Variants in COPZ1 observed in about 807,000 individuals in gnomAD.
COPZ1 encodes coat protein complex I subunit zeta 1.
In COPZ1, 4 loss-of-function variants were observed where a neutral mutation model predicts 31.7. The ratio of observed to expected loss-of-function variants is 0.13; its 90% CI spans 0.06 to 0.29. The LOEUF is 0.29. Among genes scored for constraint, COPZ1 ranks in the 10% least tolerant of loss-of-function variants. The pLI, the probability that COPZ1 is intolerant of heterozygous loss-of-function variation, is 1.00. For synonymous variants in COPZ1, 74 were observed against 79.0 expected, an observed-to-expected ratio of 0.94 and a Z score of 0.33; for missense variants, 156 against 211.5, an observed-to-expected ratio of 0.74 and a Z score of 1.63.
At chr12:54,325,645 G>GT (rs1283368425) in intron 1 of COPZ1, 1 of 161,480 alleles carries the variant, frequency 6.2e-6, no homozygotes, top group East Asian at 1.9e-4. Flanking sequence ...TCAGGAAACT[G>GT]TTTTGTCTTC....
chr12:54,335,813 A>T (rs1035041822), intron 1 of COPZ1, among the ~76,000 whole-genome samples: 3 of 152,066 alleles, frequency 2.0e-5, no homozygotes, highest in African/African-American at 7.2e-5. Context: ...CTGAGACTAC[A>T]GGTGCATGCC....
chr12:54,343,253 A>G lies in COPZ1; in HGVS notation c.198A>G (p.Thr66=). The change falls in exon 4 of 9, where the codon ACA becomes ACG. Residue 66 remains threonine (T), a synonymous_variant. Coordinates refer to ENST00000262061, the MANE Select transcript of COPZ1 (RefSeq NM_016057.3). ...DSEIALLEGL[T]VVYKSSIDLY... ...AAATTGCCCTCTTGGAAGGCCTGACAGTGGTATACAAAAGCAGTATAGATC... is the reference window on the plus strand; with the variant it reads ...AAATTGCCCTCTTGGAAGGCCTGACGGTGGTATACAAAAGCAGTATAGATC... The G allele has an allele frequency of 6.2e-7, 1 of 1,614,102 alleles. No individual in the cohort carries two copies. Among genetic ancestry groups the G allele is most frequent in the Non-Finnish European group, 8.5e-7 (1 of 1,179,966 alleles).
intron 1 of COPZ1, among the ~76,000 whole-genome samples, chr12:54,337,062 A>T (rs929442802): frequency 1.3e-5 from 2 of 151,580 alleles, no homozygotes; most frequent in Non-Finnish European, 2.9e-5. Flanking sequence ...CTGAGATCAA[A>T]GATTCATTTG....
At chr12:54,342,473 T>C in intron 3 of COPZ1, 186 bp downstream of exon 3, 1 of 583,236 alleles carries the variant, frequency 1.7e-6, no homozygotes, top group Non-Finnish European at 3.1e-6. Context: ...GGGAATACCA[T>C]GCTGGAAGGT....
intron 8 of COPZ1, 151 bp from the exon 9 acceptor site, chr12:54,350,325 G>A (rs184784073): frequency 8.4e-5 from 66 of 785,842 alleles, no homozygotes; most frequent in Admixed American, 1.9e-4. Flanking sequence ...GGGCCTTAGA[G>A]AGCTTCTTCC....
intron 1 of COPZ1, among the ~76,000 whole-genome samples, chr12:54,335,381 A>C (rs1478485364): frequency 6.6e-6 from 1 of 151,172 alleles, no homozygotes; most frequent in Non-Finnish European, 1.5e-5. Flanking sequence ...GTAATGCCAC[A>C]TCAGGCCCTT....
At chr12:54,328,555 G>A (rs941112289) in intron 1 of COPZ1, among the ~76,000 whole-genome samples, 25 of 152,120 alleles carry the variant, frequency 1.6e-4, no homozygotes, top group African/African-American at 6.0e-4. Context: ...ACAGAGCAAG[G>A]CTCTGTCTCA....
chr12:54,341,989 G>A (rs1024278360), intron 2 of COPZ1, among the ~76,000 whole-genome samples: 18 of 152,274 alleles, frequency 1.2e-4, no homozygotes, highest in African/African-American at 4.1e-4. Flanking sequence ...GGAAATGTGA[G>A]GTGGGGTTGC....
chr12:54,338,237 T>C (rs1393057474), intron 1 of COPZ1, among the ~76,000 whole-genome samples: 1 of 152,230 alleles, frequency 6.6e-6, no homozygotes, highest in Non-Finnish European at 1.5e-5. Context: ...TTCGTCTAAA[T>C]TTTGTTCCTT....
chr12:54,328,663 C>T (rs1228236024), intron 1 of COPZ1, among the ~76,000 whole-genome samples: 2 of 152,192 alleles, frequency 1.3e-5, no homozygotes, highest in Admixed American at 1.3e-4. Flanking sequence ...CCTGCTTCTT[C>T]CTTATTCTTT....
Position 54,329,918 on chromosome 12 carries a change from T to C in COPZ1, c.18+4737T>C, listed in dbSNP as rs573894893. Among the ~76,000 whole-genome samples, 3 of 152,290 alleles carry C rather than the reference T, an allele frequency of 2.0e-5. No individual in the cohort carries two copies. The South Asian group carries it at 6.2e-4, about 32-fold the overall frequency. ...TCATCTTAATGGGGCTTTTGTTAAA[T>C]TCCTTTGGCCCTAACAGTAGAGGTA... On this transcript the variant is annotated intron_variant, in intron 1 of 8. Coordinates refer to ENST00000262061, the MANE Select transcript of COPZ1 (RefSeq NM_016057.3).
chr12:54,337,019 C>CAAAA lies in COPZ1; in HGVS notation c.19-3506_19-3503dup, dbSNP rs1182592654. ...CCTGGGTGACAGAGAGAGACTGTCG[C>CAAAA]AAAAAAAAAAAAAAAAAAAAAAAAA... On this transcript the variant is annotated intron_variant, in intron 1 of 8. Coordinates refer to ENST00000262061, the MANE Select transcript of COPZ1 (RefSeq NM_016057.3). Among the ~76,000 whole-genome samples, 222 of 61,166 alleles carry CAAAA rather than the reference C, an allele frequency of 3.6e-3. 1 individual carries two copies. Among genetic ancestry groups the CAAAA allele is most frequent in the Admixed American group, 5.8e-3 (32 of 5,494 alleles). The allele number at this position is 61,166 out of a possible 152,430, so 40.1% of individuals were successfully genotyped here.
At chr12:54,328,401 C>T (rs970581252) in intron 1 of COPZ1, among the ~76,000 whole-genome samples, 3 of 151,808 alleles carry the variant, frequency 2.0e-5, no homozygotes, top group Admixed American at 6.6e-5. Flanking sequence ...GAAACCCGGT[C>T]TCTGCTAAAA....
rs757374282 is a variant in COPZ1, at chr12:54,350,536, TC to T, written c.*15del. ...ACTCCTTCGGTGAAGACCTCACTGT[TC>T]CTGGCTCTTCATCCTCTTCAAAAAA... is the stretch of plus-strand genomic sequence containing the variant. On this transcript the variant is annotated 3_prime_UTR_variant, in exon 9 of 9. Coordinates refer to ENST00000262061, the MANE Select transcript of COPZ1 (RefSeq NM_016057.3). 5.0e-6 allele frequency: 8 copies of T among 1,611,740 alleles called. No individual in the cohort carries two copies. Among genetic ancestry groups the T allele is most frequent in the Middle Eastern group, 1.6e-4 (1 of 6,080 alleles).
chr12:54,345,729 G>A (rs559856055), intron 5 of COPZ1, among the ~76,000 whole-genome samples: 3 of 152,074 alleles, frequency 2.0e-5, no homozygotes, highest in Admixed American at 1.3e-4. Flanking sequence ...AGGCCAAGGC[G>A]GGCGGATCAT....
rs568340847 is a variant in COPZ1, at chr12:54,327,377, A to T, written c.18+2196A>T. 2.5e-3 allele frequency among the ~76,000 whole-genome samples: 375 copies of T among 150,834 alleles called. 1 individual carries two copies. Among genetic ancestry groups the T allele is most frequent in the African/African-American group, 8.7e-3 (356 of 40,954 alleles). On this transcript the variant is annotated intron_variant, in intron 1 of 8. Coordinates refer to ENST00000262061, the MANE Select transcript of COPZ1 (RefSeq NM_016057.3). ...AGTGGTGTGATCTCACCTCACTGCAACCTCTGCCTCCTGGGTTGAAGCAAT... is the reference window on the plus strand; with the variant it reads ...AGTGGTGTGATCTCACCTCACTGCATCCTCTGCCTCCTGGGTTGAAGCAAT...
At chr12:54,335,536 G>A (rs1164709944) in intron 1 of COPZ1, among the ~76,000 whole-genome samples, 2 of 152,032 alleles carry the variant, frequency 1.3e-5, no homozygotes, top group Non-Finnish European at 2.9e-5. Flanking sequence ...AGCCTCCTGA[G>A]TAGCTGGGAT....
chr12:54,332,433 T>A (rs1278323109), intron 1 of COPZ1, among the ~76,000 whole-genome samples: 1 of 151,646 alleles, frequency 6.6e-6, no homozygotes, highest in African/African-American at 2.4e-5. Flanking sequence ...GTCATCAAAT[T>A]CAGCCATTGA....
chr12:54,345,925 C>G lies in COPZ1; in HGVS notation c.317+410C>G, dbSNP rs1592209949. Reference sequence around the variant, plus strand: ...TGAGCCGAGATCGCGCCACTGCACTCCAGCCTTGGCGACAGAGTGAGACTC... The same window carrying G: ...TGAGCCGAGATCGCGCCACTGCACTGCAGCCTTGGCGACAGAGTGAGACTC... On this transcript the variant is annotated intron_variant, in intron 5 of 8. Coordinates refer to ENST00000262061, the MANE Select transcript of COPZ1 (RefSeq NM_016057.3). 3.3e-5 allele frequency among the ~76,000 whole-genome samples: 5 copies of G among 150,936 alleles called. No homozygotes were observed. In the South Asian group the frequency reaches 1.0e-3, roughly 32 times the overall value.
Sources: gnomAD v4.1 joint callset for allele counts (sites outside exome capture counted in the v4.1 genomes callset) on GRCh38, gnomAD v4.1.1 for gene constraint, MANE v1.5 for transcripts, NCBI Gene and HGNC (gene_info 2026-07-23, HGNC 2026-07-21) for gene names.